CACNA2D4: variants seen among roughly 807,000 people sequenced by gnomAD.
CACNA2D4 encodes the protein voltage-dependent calcium channel subunit alpha-2/delta-4.
A neutral mutation model predicts 163.8 loss-of-function variants in CACNA2D4; 157 were observed. The observed-to-expected ratio is 0.96, with a 90% CI of 0.84 to 1.09. The LOEUF is 1.09. CACNA2D4 is among the 50% of genes least tolerant of loss of function. The pLI is 0.00. For missense variants in CACNA2D4, 1,410 were observed against 1,479.9 expected (o/e 0.95, Z 0.78); for synonymous variants, 598 against 586.9 (o/e 1.02, Z -0.27).
chr12:1,812,214 T>C (rs1371394616), intron 26 of CACNA2D4, among the ~76,000 whole-genome samples: 1 of 152,122 alleles, frequency 6.6e-6, no homozygotes, highest in Non-Finnish European at 1.5e-5. Flanking sequence ...TTTCATACCC[T>C]CTGTCTGCTC....
intron 8 of CACNA2D4, 39 bp from the exon 9 acceptor site, chr12:1,886,078 T>G (rs1186073742): frequency 6.4e-7 from 1 of 1,574,294 alleles, no homozygotes; most frequent in African/African-American, 1.4e-5. Flanking sequence ...GGGGGGAGAA[T>G]AAACAGCATC....
intron 13 of CACNA2D4, 99 bp downstream of exon 13, chr12:1,882,768 A>G (rs1489706875): frequency 7.8e-7 from 1 of 1,285,428 alleles, no homozygotes; most frequent in African/African-American, 1.5e-5. Context: ...AGGAGGTGCT[A>G]GGCCCACCCC....
chr12:1,918,540 G>T lies in CACNA2D4; in HGVS notation c.-67C>A. ...GCCTTTGTCTTCCGTGCCTTGGCGA[G>T]CCTGGGGTCTCCAGCCTCTCAGTCC... is the stretch of plus-strand genomic sequence containing the variant. On this transcript the variant is annotated 5_prime_UTR_variant, in exon 1 of 38. Transcript: ENST00000382722. 7.8e-7 allele frequency: 1 copy of T among 1,275,338 alleles called. No individual in the cohort carries two copies. The highest frequency in any genetic ancestry group is 1.1e-6 in the Non-Finnish European group (1 of 912,874). 79.0% of individuals were successfully genotyped at this position (1,275,338 alleles called of 1,614,324 possible). A position where few individuals can be genotyped will look rare whatever the true frequency, so the allele number is the denominator to read the frequency against.
At position 1,829,173 on chromosome 12, in the gene CACNA2D4, G is replaced by T. The variant is rs540490806; in HGVS notation, c.2551+11566C>A. Among the ~76,000 whole-genome samples, 8 of 152,292 alleles carry T rather than the reference G, an allele frequency of 5.3e-5. No individual in the cohort carries two copies. The South Asian group carries it at 6.2e-4, about 12-fold the overall frequency. ...ACCTTGATCTCCAGGGAGGTGGGGG[G>T]CGCAGGGAGTCGCTCTTCCGCAGCG... On this transcript the variant is annotated intron_variant, in intron 26 of 37. Transcript: ENST00000382722. The surrounding 1 kb of genome is among the most constrained non-coding windows in gnomAD (Gnocchi z 4.2).
intron 26 of CACNA2D4, among the ~76,000 whole-genome samples, chr12:1,817,671 A>G (rs1206358784): frequency 6.6e-6 from 1 of 152,066 alleles, no homozygotes; most frequent in Non-Finnish European, 1.5e-5. Flanking sequence ...TTTTTGGTGG[A>G]GACGGGGTTT....
intron 18 of CACNA2D4, among the ~76,000 whole-genome samples, chr12:1,872,869 A>G (rs142270752): frequency 2.0e-3 from 301 of 152,330 alleles, no homozygotes; most frequent in African/African-American, 6.7e-3. Flanking sequence ...TCAAGGTGGA[A>G]TAGAAATGCT....
rs1205425883 is a variant in CACNA2D4 at position 1,843,278 on chromosome 12, C to T, written c.2470+1124G>A. On this transcript the variant is annotated intron_variant, in intron 25 of 37. Coordinates refer to ENST00000382722, the MANE Select transcript of CACNA2D4 (RefSeq NM_172364.5). This position sits in a 1 kb window ranked among gnomAD's most constrained non-coding sequence, Gnocchi z 4.6. ...TCCCTGTCCTGGTCCCAGGAGGATC[C>T]CCGGGATCCTGGGCCTCCCCAGCCA... Among the ~76,000 whole-genome samples the T allele has an allele frequency of 6.6e-6, 1 of 152,036 alleles. No individual in the cohort carries two copies.
At chr12:1,860,841 T>C (rs1865508623) in intron 18 of CACNA2D4, among the ~76,000 whole-genome samples, 1 of 152,234 alleles carries the variant, frequency 6.6e-6, no homozygotes, top group South Asian at 2.1e-4. Context: ...AACTAGGGCA[T>C]CATGTAGTAC....
intron 6 of CACNA2D4, among the ~76,000 whole-genome samples, chr12:1,888,167 G>T (rs1046509628): frequency 2.6e-5 from 4 of 152,164 alleles, no homozygotes; most frequent in Non-Finnish European, 5.9e-5. Context: ...CTTTCCTGAG[G>T]CCACATTCTT....
chr12:1,820,684 G>A lies in CACNA2D4; in HGVS notation c.2552-8961C>T, dbSNP rs1372380409. On this transcript the variant is annotated intron_variant, in intron 26 of 37. Transcript: ENST00000382722. The surrounding 1 kb of genome is among the most constrained non-coding windows in gnomAD (Gnocchi z 6.0). ...CCAGCCGCTGCTCCCGCTGAGTGGA[G>A]ACTCTGGCACCAGTGCCCACTGCGC... 1 of 152,410 alleles carries A rather than the reference G, an allele frequency of 6.6e-6. No individual in the cohort carries two copies. The highest frequency in any genetic ancestry group is 1.5e-5 in the Non-Finnish European group (1 of 68,124). 9.4% of individuals were successfully genotyped at this position (152,410 alleles called of 1,614,324 possible).
rs769158179 is a variant in CACNA2D4 at position 1,882,913 on chromosome 12, TTGA to T, written c.1436_1438del (p.Ile479del). ...TGTCCAGATGATGTCGTGGTCGTGG[TTGA>T]TGACCATGGGGCGGCTGAGCACGTG... is the stretch of plus-strand genomic sequence containing the variant. On this transcript the variant is annotated inframe_deletion, in exon 13 of 38. Transcript: ENST00000382722. The T allele has an allele frequency of 1.8e-5, 29 of 1,613,734 alleles. No homozygotes were observed. The highest frequency in any genetic ancestry group is 2.4e-5 in the Non-Finnish European group (28 of 1,179,840).
At chr12:1,809,356 C>T (rs764489339) in intron 29 of CACNA2D4, 29 of 603,772 alleles carry the variant, frequency 4.8e-5, no homozygotes, top group African/African-American at 1.5e-4. Flanking sequence ...GTCCAGCCCC[C>T]GGCGAGACAC....
rs183725373 is a variant in CACNA2D4, at chr12:1,899,518, A to C, written c.781+7922T>G. 7.9e-5 allele frequency among the ~76,000 whole-genome samples: 12 copies of C among 152,286 alleles called. No individual in the cohort carries two copies. In the East Asian group the frequency reaches 2.1e-3, roughly 27 times the overall value. On this transcript the variant is annotated intron_variant, in intron 6 of 37. Transcript: ENST00000382722. The stretch of plus-strand genomic sequence containing the variant: ...ATGATAATAAGAGAATAATAGATTC[A>C]TACAAATAAATTTGAAAAGTCAGAT...
rs368965832 is a variant in CACNA2D4 at position 1,882,903 on chromosome 12, G to A, written c.1449C>T (p.His483=). 2.8e-5 allele frequency: 45 copies of A among 1,613,692 alleles called. No homozygotes were observed. Among genetic ancestry groups the A allele is most frequent in the Middle Eastern group, 3.3e-4 (2 of 6,084 alleles). ...LSRPMVINHD[H]DIIWTEAYMD... is the part of the protein sequence containing the mutation. ...TGTAGGCCTCTGTCCAGATGATGTCGTGGTCGTGGTTGATGACCATGGGGC... is the reference window on the plus strand; with the variant it reads ...TGTAGGCCTCTGTCCAGATGATGTCATGGTCGTGGTTGATGACCATGGGGC... The change falls in exon 13 of 38, where the codon CAC becomes CAT. Residue 483 remains histidine, a synonymous_variant. Coordinates refer to ENST00000382722, the MANE Select transcript of CACNA2D4 (RefSeq NM_172364.5).
In CACNA2D4 at chr12:1,886,140, T is replaced by C; in HGVS notation, c.993+83A>G. 5 of 1,561,050 alleles carry C rather than the reference T, an allele frequency of 3.2e-6. No individual in the cohort carries two copies. In the South Asian group the frequency reaches 5.6e-5, roughly 17 times the overall value. On this transcript the variant is annotated intron_variant, in intron 8 of 37. Transcript: ENST00000382722. ...GACACTCATGCAGGTCACCGGGTGG[T>C]CAGGGGTTGTGGGTCACCTTGGTAC...
Position 1,834,242 on chromosome 12 carries a change from C to CT in CACNA2D4, c.2551+6496_2551+6497insA. The CT allele has an allele frequency of 6.5e-7, 1 of 1,527,668 alleles. No individual in the cohort carries two copies. Among genetic ancestry groups the CT allele is most frequent in the Non-Finnish European group, 8.8e-7 (1 of 1,136,124 alleles). 94.6% of individuals were successfully genotyped at this position (1,527,668 alleles called of 1,614,324 possible). A position where few individuals can be genotyped will look rare whatever the true frequency, so the allele number is the denominator to read the frequency against. ...TGCAAGTTCTAGATGCCTGGTCAGC[C>CT]CCTCTTTTTCTCTTCTGCATGTAGG... On this transcript the variant is annotated intron_variant, in intron 26 of 37. Coordinates refer to ENST00000382722, the MANE Select transcript of CACNA2D4 (RefSeq NM_172364.5). The surrounding 1 kb of genome is among the most constrained non-coding windows in gnomAD (Gnocchi z 7.6).
chr12:1,912,238 G>C (rs1476948095), intron 3 of CACNA2D4, among the ~76,000 whole-genome samples: 1 of 152,160 alleles, frequency 6.6e-6, no homozygotes, highest in African/African-American at 2.4e-5. Flanking sequence ...CTGGTCTTAC[G>C]AGTCCTTTCA....
rs931144061 is a variant in CACNA2D4 at position 1,797,441 on chromosome 12, G to A, written c.3090C>T (p.Ile1030=). The A allele has an allele frequency of 5.8e-6, 9 of 1,564,494 alleles. No individual in the cohort carries two copies. In the Admixed American group the frequency reaches 1.6e-4, roughly 29 times the overall value. ...ACTTCTGGCAGGGCCCGCACTCCAC[G>A]ATCCCGTTGGCCTCCCGGATGGCCG... ...YQPAIREANG[I]VECGPCQKVF... Residue 1030 remains isoleucine (I), a synonymous_variant, in exon 35 of 38, where the codon ATC becomes ATT. Transcript: ENST00000382722.
chr12:1,797,714 G>T, intron 34 of CACNA2D4, 179 bp from the exon 35 acceptor site: 1 of 638,134 alleles, frequency 1.6e-6, no homozygotes, highest in South Asian at 1.7e-5. Flanking sequence ...GAAGACACCC[G>T]GAGTCTCTGG....
Sources: allele counts gnomAD v4.1 joint callset (sites outside exome capture counted in the v4.1 genomes callset), GRCh38; gene constraint gnomAD v4.1.1; non-coding constraint Gnocchi (gnomAD v3.1); transcripts MANE v1.5; gene names NCBI Gene and HGNC (gene_info 2026-07-23, HGNC 2026-07-21).